The following WNT3A variants were observed in gnomAD, a reference collection of about 807,000 sequenced individuals.
The protein encoded by WNT3A is protein Wnt-3a.
A neutral mutation model predicts 37.0 loss-of-function variants in WNT3A; 17 were observed. That is an observed-to-expected ratio of 0.46 (90% confidence interval 0.31 to 0.69). WNT3A has a LOEUF of 0.69. Among genes scored for constraint, WNT3A ranks in the 30% least tolerant of loss-of-function variants. WNT3A has a pLI of 0.05. For synonymous variants in WNT3A, 187 were observed against 211.0 expected (o/e 0.89, Z 0.99); for missense variants, 411 against 510.2 (o/e 0.81, Z 1.87).
chr1:228,020,116 C>A (rs1287249681), intron 1 of WNT3A, among the ~76,000 whole-genome samples: 1 of 152,222 alleles, frequency 6.6e-6, no homozygotes. Flanking sequence ...CTCAGCTACT[C>A]GGGAGGGTGA....
At chr1:228,043,115 T>C (rs1422209523) in intron 2 of WNT3A, among the ~76,000 whole-genome samples, 9 of 152,276 alleles carry the variant, frequency 5.9e-5, no homozygotes, top group South Asian at 2.1e-4. Context: ...GAAGGAAAGA[T>C]AGATAATTGA....
intron 1 of WNT3A, among the ~76,000 whole-genome samples, chr1:228,009,375 G>A (rs983372947): frequency 3.3e-5 from 5 of 152,182 alleles, no homozygotes; most frequent in Admixed American, 6.5e-5. Context: ...GACCCCTGCC[G>A]CTGGCATCCT....
rs1184057859 is a variant in WNT3A at position 228,037,456 on chromosome 1, T to A, written c.314-13200T>A. 6.6e-6 allele frequency among the ~76,000 whole-genome samples: 1 copy of A among 151,874 alleles called. No individual in the cohort carries two copies. The highest frequency in any genetic ancestry group is 2.4e-5 in the African/African-American group (1 of 41,346). Reference sequence around the variant, plus strand: ...TCCCCAGGCAGGAGACAGCCCAGCCTCCTCTCCTCCCCGCTGAGCCCCCAG... The same window carrying A: ...TCCCCAGGCAGGAGACAGCCCAGCCACCTCTCCTCCCCGCTGAGCCCCCAG... On this transcript the variant is annotated intron_variant, in intron 2 of 3. Coordinates refer to ENST00000284523, the MANE Select transcript of WNT3A (RefSeq NM_033131.4). This position sits in a 1 kb window ranked among gnomAD's most constrained non-coding sequence, Gnocchi z 4.1.
At chr1:228,019,576 G>T (rs1332127934) in intron 1 of WNT3A, among the ~76,000 whole-genome samples, 1 of 152,220 alleles carries the variant, frequency 6.6e-6, no homozygotes, top group Non-Finnish European at 1.5e-5. Context: ...CCTCAGCCAT[G>T]ACACTCAAGT....
chr1:228,050,604 G>A lies in WNT3A; in HGVS notation c.314-52G>A. 6.5e-7 allele frequency: 1 copy of A among 1,532,284 alleles called. No individual in the cohort carries two copies. The highest frequency in any genetic ancestry group is 8.8e-7 in the Non-Finnish European group (1 of 1,138,862). The allele number at this position is 1,532,284 out of a possible 1,614,324, so 94.9% of individuals were successfully genotyped here. A position where few individuals can be genotyped will look rare whatever the true frequency, so the allele number is the denominator to read the frequency against. On this transcript the variant is annotated intron_variant, in intron 2 of 3. Transcript: ENST00000284523. This position sits in a 1 kb window ranked among gnomAD's most constrained non-coding sequence, Gnocchi z 5.0. ...GGCTAAGACCCCTGACCTGCCCAAG[G>A]CGGTCCTTTGAGCTGAGCCCTGTTA...
intron 1 of WNT3A, among the ~76,000 whole-genome samples, chr1:228,014,404 G>A (rs553656256): frequency 1.3e-5 from 2 of 152,194 alleles, no homozygotes; most frequent in Non-Finnish European, 2.9e-5. Context: ...CACGCCCCCA[G>A]CAAACATGCA....
At chr1:228,058,579 C>A (rs1468104011) in intron 3 of WNT3A, among the ~76,000 whole-genome samples, 1 of 152,250 alleles carries the variant, frequency 6.6e-6, no homozygotes, top group African/African-American at 2.4e-5. Context: ...TTCCACCCAG[C>A]CGTATACACC....
chr1:228,028,225 T>C (rs2030900881), intron 2 of WNT3A, among the ~76,000 whole-genome samples: 1 of 152,066 alleles, frequency 6.6e-6, no homozygotes, highest in South Asian at 2.1e-4. Flanking sequence ...AGTAGTATAA[T>C]TAGTAGTATA....
At chr1:228,013,904 G>A (rs1350498702) in intron 1 of WNT3A, among the ~76,000 whole-genome samples, 4 of 152,222 alleles carry the variant, frequency 2.6e-5, no homozygotes, top group Admixed American at 6.5e-5. Context: ...ATTTGGAACA[G>A]GATGTTTGCT....
rs559970450 is a variant in WNT3A, at chr1:228,020,058, T to C, written c.72-2609T>C. Among the ~76,000 whole-genome samples, 11 of 152,362 alleles carry C rather than the reference T, an allele frequency of 7.2e-5. No homozygotes were observed. In the South Asian group the frequency reaches 2.3e-3, roughly 32 times the overall value. On this transcript the variant is annotated intron_variant, in intron 1 of 3. Coordinates refer to ENST00000284523, the MANE Select transcript of WNT3A (RefSeq NM_033131.4). ...CTGGCCAACATGGCAAAACCCCGTC[T>C]ACTAAAAATACAAACATTAGCCAGG...
chr1:228,057,290 A>G (rs2124821286), intron 3 of WNT3A, among the ~76,000 whole-genome samples: 1 of 152,286 alleles, frequency 6.6e-6, no homozygotes, highest in East Asian at 1.9e-4. Flanking sequence ...GTGGTGGAGT[A>G]AGGAGAGAAA....
intron 2 of WNT3A, among the ~76,000 whole-genome samples, chr1:228,046,780 G>A (rs2031424048): frequency 1.3e-5 from 2 of 150,172 alleles, no homozygotes; most frequent in African/African-American, 4.9e-5. Context: ...GTGCATGTGT[G>A]TGCATGCGTG....
rs530006988 is a variant in WNT3A at position 228,022,745 on chromosome 1, C to G, written c.150C>G (p.Pro50=). The change falls in exon 2 of 4, where the codon CCC becomes CCG. Residue 50 remains proline, a synonymous_variant. Transcript: ENST00000284523. ...ILCASIPGLV[P]KQLRFCRNYV... ...GTGCCAGCATCCCGGGCCTGGTCCC[C>G]AAGCAGCTCCGCTTCTGCAGGAACT... The G allele has an allele frequency of 6.2e-7, 1 of 1,614,180 alleles. No homozygotes were observed. The highest frequency in any genetic ancestry group is 1.1e-5 in the South Asian group (1 of 91,080).
chr1:228,026,435 TTTTC>T (rs879776064), intron 2 of WNT3A, among the ~76,000 whole-genome samples: 9 of 152,258 alleles, frequency 5.9e-5, no homozygotes, highest in Non-Finnish European at 1.0e-4. Context: ...GGCTGCAGGT[TTTTC>T]TTTCTTTCTT....
intron 1 of WNT3A, 61 bp from the exon 2 acceptor site, chr1:228,022,606 G>T: frequency 6.4e-7 from 1 of 1,567,452 alleles, no homozygotes. Flanking sequence ...AGGGTCTGTA[G>T]CCTGCTCATC....
At chr1:228,021,760 G>A (rs947790600) in intron 1 of WNT3A, among the ~76,000 whole-genome samples, 2 of 152,204 alleles carry the variant, frequency 1.3e-5, no homozygotes, top group East Asian at 1.9e-4. Context: ...GCTGGGTCAC[G>A]CCTACATCCC....
chr1:228,059,087 C>A lies in WNT3A; in HGVS notation c.681C>A (p.Ile227=). The A allele has an allele frequency of 6.2e-7, 1 of 1,613,762 alleles. No individual in the cohort carries two copies. The highest frequency in any genetic ancestry group is 1.3e-5 in the African/African-American group (1 of 75,056). Residue 227 remains isoleucine (I), a synonymous_variant, in exon 4 of 4, where the codon ATC becomes ATA. Transcript: ENST00000284523. ...GGTCGCAACCCGACTTCCGCGCCAT[C>A]GGTGACTTCCTCAAGGACAAGTACG... ...CWWSQPDFRA[I]GDFLKDKYDS...
In WNT3A at chr1:228,047,746, C is replaced by T. The variant is rs577667805; in HGVS notation, c.314-2910C>T. On this transcript the variant is annotated intron_variant, in intron 2 of 3. Transcript: ENST00000284523. The stretch of plus-strand genomic sequence containing the variant: ...GAGGCTAGGAAGCTTCCAATCATGG[C>T]GGAAGGCAAAGGGGGAGCAGGCATG... 1.1e-3 allele frequency among the ~76,000 whole-genome samples: 163 copies of T among 152,216 alleles called. 1 individual carries two copies. The highest frequency in any genetic ancestry group is 3.7e-3 in the African/African-American group (152 of 41,526).
chr1:228,037,183 C>T lies in WNT3A; in HGVS notation c.314-13473C>T, dbSNP rs1355080177. On this transcript the variant is annotated intron_variant, in intron 2 of 3. Coordinates refer to ENST00000284523, the MANE Select transcript of WNT3A (RefSeq NM_033131.4). The surrounding 1 kb of genome is among the most constrained non-coding windows in gnomAD (Gnocchi z 4.1). ...TCGTACCCAGTGTGGGTGGGGCCTG[C>T]AGCAGTGGCCCTCCCACTCAGCCTT... is the stretch of plus-strand genomic sequence containing the variant. 6.6e-6 allele frequency among the ~76,000 whole-genome samples: 1 copy of T among 152,100 alleles called. No homozygotes were observed. Among genetic ancestry groups the T allele is most frequent in the Non-Finnish European group, 1.5e-5 (1 of 67,988 alleles).
Sources: gnomAD v4.1 joint callset for allele counts (sites outside exome capture counted in the v4.1 genomes callset) on GRCh38, gnomAD v4.1.1 for gene constraint, Gnocchi (gnomAD v3.1) non-coding constraint, MANE v1.5 for transcripts, NCBI Gene and HGNC (gene_info 2026-07-23, HGNC 2026-07-21) for gene names.